The following ARMC9 variants were observed in gnomAD, a reference collection of about 807,000 sequenced individuals.
ARMC9 encodes the protein lisH domain-containing protein ARMC9.
In ARMC9, 94 loss-of-function variants were observed where a neutral mutation model predicts 107.0. The observed-to-expected ratio is 0.88, with a 90% confidence interval of 0.74 to 1.04. The LOEUF is 1.04. Among genes scored for constraint, ARMC9 ranks in the 50% least tolerant of loss-of-function variants. The pLI is 0.00. For missense variants in ARMC9, 942 were observed against 1,030.1 expected, an observed-to-expected ratio of 0.91 and a Z score of 1.17; for synonymous variants, 380 against 396.9, an observed-to-expected ratio of 0.96 and a Z score of 0.51.
chr2:231,366,698 G>C (rs570476329), intron 23 of ARMC9, among the ~76,000 whole-genome samples: 29 of 151,364 alleles, frequency 1.9e-4, no homozygotes, highest in Non-Finnish European at 3.7e-4. Flanking sequence ...AAAATTAGCC[G>C]GGCATGGTGG....
intron 11 of ARMC9, among the ~76,000 whole-genome samples, chr2:231,261,827 CTT>C (rs776868487): frequency 2.1e-5 from 3 of 144,964 alleles, no homozygotes; most frequent in African/African-American, 2.5e-5. Context: ...ATCACAGGTT[CTT>C]TTTTTTTTTT....
rs1190543868 is a variant in ARMC9, at chr2:231,226,774, A to G, written c.598A>G (p.Lys200Glu). The change falls in exon 7 of 25, where the codon AAG becomes GAG. Residue 200 changes from lysine (K) to glutamate (E), a missense_variant and splice_region_variant. Coordinates refer to ENST00000611582, the MANE Select transcript of ARMC9 (RefSeq NM_001352754.2). ...SNTPKLLTIY[K>E]ENGQSNKEIL... ...TTCCTGAACTTCTTTTTCATCCCAG[A>G]AGGAGAATGGACAAAGTAACAAAGG... 4 of 1,613,768 alleles carry G rather than the reference A, an allele frequency of 2.5e-6. No individual in the cohort carries two copies. In the Admixed American group the frequency reaches 5.0e-5, roughly 20 times the overall value.
At chr2:231,270,729 C>T (rs2039252109) in intron 12 of ARMC9, 4 of 622,770 alleles carry the variant, frequency 6.4e-6, no homozygotes, top group African/African-American at 1.8e-5. Flanking sequence ...GCTTCCCTCG[C>T]GCCAGTCACT....
chr2:231,228,584 C>A (rs1729077), intron 7 of ARMC9, among the ~76,000 whole-genome samples: 17,474 of 152,226 alleles, frequency 0.11, 1,161 homozygotes, highest in East Asian at 0.27. Context: ...CCTCTGAAGT[C>A]AGTCAGTCAT....
intron 1 of ARMC9, among the ~76,000 whole-genome samples, chr2:231,202,266 C>T (rs970413770): frequency 1.3e-5 from 2 of 151,254 alleles, no homozygotes; most frequent in Admixed American, 6.6e-5. Context: ...TCCCAAAGTG[C>T]TGGGATTACA....
intron 19 of ARMC9, among the ~76,000 whole-genome samples, chr2:231,302,463 G>A (rs1391005927): frequency 6.0e-5 from 1 of 16,564 alleles, no homozygotes; most frequent in Non-Finnish European, 1.7e-4. Flanking sequence ...TTTTTTTTTT[G>A]CCAATCTCTT....
intron 19 of ARMC9, among the ~76,000 whole-genome samples, chr2:231,315,157 T>G (rs2042591662): frequency 6.6e-6 from 1 of 150,618 alleles, no homozygotes; most frequent in Non-Finnish European, 1.5e-5. Context: ...GAGAATCACT[T>G]GAACCTGGGA....
At chr2:231,205,201 T>TAAACAAAAAAA (rs2031777417) in intron 1 of ARMC9, among the ~76,000 whole-genome samples, 1 of 129,468 alleles carries the variant, frequency 7.7e-6, no homozygotes. Flanking sequence ...TGTCTCTACT[T>TAAACAAAAAAA]AAAAAAAAAA....
In ARMC9 at chr2:231,235,291, G is replaced by GT; in HGVS notation, c.691dup (p.Tyr231LeufsTer3). ...GTAGGTCAGTGACATACCTCAAACGGTACAATAAGATCCAGGCCGACTACC... is the reference window on the plus strand; with the variant it reads ...GTAGGTCAGTGACATACCTCAAACGGTTACAATAAGATCCAGGCCGACTACC... On this transcript the variant is annotated frameshift_variant, in exon 8 of 25. Transcript: ENST00000611582. LOFTEE classifies it high-confidence loss of function. 6.2e-7 allele frequency: 1 copy of GT among 1,614,166 alleles called. No homozygotes were observed. The highest frequency in any genetic ancestry group is 1.1e-5 in the South Asian group (1 of 91,064).
At chr2:231,328,021 T>G (rs2043451145) in intron 19 of ARMC9, among the ~76,000 whole-genome samples, 1 of 152,140 alleles carries the variant, frequency 6.6e-6, no homozygotes, top group African/African-American at 2.4e-5. Context: ...CTGATTCAAG[T>G]GATTCGCTCG....
At position 231,214,893 on chromosome 2, in the gene ARMC9, G is replaced by A; in HGVS notation, c.240G>A (p.Glu80=). Residue 80 remains glutamate, a synonymous_variant, in exon 4 of 25, where the codon GAG becomes GAA. Coordinates refer to ENST00000611582, the MANE Select transcript of ARMC9 (RefSeq NM_001352754.2). The part of the protein sequence containing the change: ...DQKVFFDLWE[E]HISSSIRDGD... The stretch of plus-strand genomic sequence containing the variant: ...AGGTGTTCTTCGATCTGTGGGAGGA[G>A]CACATTTCAAGTTCCATCCGAGATG... 1 of 1,614,190 alleles carries A rather than the reference G, an allele frequency of 6.2e-7. No individual in the cohort carries two copies. Among genetic ancestry groups the A allele is most frequent in the Non-Finnish European group, 8.5e-7 (1 of 1,180,046 alleles).
chr2:231,296,259 T>C lies in ARMC9; in HGVS notation c.1773+6T>C, dbSNP rs2041358599. On this transcript the variant is annotated splice_donor_region_variant and intron_variant, in intron 19 of 24. Coordinates refer to ENST00000611582, the MANE Select transcript of ARMC9 (RefSeq NM_001352754.2). Reference sequence around the variant, plus strand: ...ATGAAGATGAAGATGATGAAGTAAGTTGGAGGTTCTTGACACCACATAGAA... The same window carrying C: ...ATGAAGATGAAGATGATGAAGTAAGCTGGAGGTTCTTGACACCACATAGAA... 6.2e-7 allele frequency: 1 copy of C among 1,611,410 alleles called. No individual in the cohort carries two copies. The highest frequency in any genetic ancestry group is 8.5e-7 in the Non-Finnish European group (1 of 1,178,212).
At chr2:231,230,152 A>G (rs1043074796) in intron 7 of ARMC9, among the ~76,000 whole-genome samples, 4 of 152,164 alleles carry the variant, frequency 2.6e-5, no homozygotes, top group Non-Finnish European at 5.9e-5. Context: ...GCTTGAGGCC[A>G]GGAGTTTGTG....
In ARMC9 at chr2:231,276,763, C is replaced by T. The variant is rs1217845207; in HGVS notation, c.1462C>T (p.Leu488Phe). The change falls in exon 15 of 25, where the codon CTC becomes TTC. Residue 488 changes from leucine (L) to phenylalanine (F), a missense_variant. Coordinates refer to ENST00000611582, the MANE Select transcript of ARMC9 (RefSeq NM_001352754.2). ...YSVALLMNLC[L>F]RSTGKNMCAK... ...GGTGGCTTTGCTCATGAACCTCTGC[C>T]TCCGCAGCACAGGTCTCAGCCCCGA... 1.2e-6 allele frequency: 2 copies of T among 1,614,128 alleles called. No individual in the cohort carries two copies. Among genetic ancestry groups the T allele is most frequent in the Admixed American group, 3.3e-5 (2 of 60,026 alleles).
chr2:231,274,402 C>T (rs1419164450), intron 14 of ARMC9, among the ~76,000 whole-genome samples: 1 of 152,170 alleles, frequency 6.6e-6, no homozygotes, highest in Non-Finnish European at 1.5e-5. Flanking sequence ...AGGTGTGAGC[C>T]ACCGCGCCCG....
chr2:231,344,795 A>T (rs1040237402), intron 20 of ARMC9, among the ~76,000 whole-genome samples, 180 bp from the exon 21 acceptor site: 7 of 152,242 alleles, frequency 4.6e-5, no homozygotes, highest in Admixed American at 1.3e-4. Flanking sequence ...CCGTTAGCAA[A>T]AAAAGGGTTT....
Position 231,276,643 on chromosome 2 carries a change from C to T in ARMC9, c.1342C>T (p.Leu448=). ...ALQKFSLRRP[L]QTAMIQDGLI... Reference sequence around the variant, plus strand: ...TAGGCTCTTTCTTCCCAGGCGCCCGCTGCAGACAGCGATGATTCAAGACGG... The same window carrying T: ...TAGGCTCTTTCTTCCCAGGCGCCCGTTGCAGACAGCGATGATTCAAGACGG... Residue 448 remains leucine (L), a synonymous_variant, in exon 15 of 25, where the codon CTG becomes TTG. Transcript: ENST00000611582. 2 of 1,614,164 alleles carry T rather than the reference C, an allele frequency of 1.2e-6. No homozygotes were observed. Among genetic ancestry groups the T allele is most frequent in the Non-Finnish European group, 1.7e-6 (2 of 1,180,032 alleles).
intron 23 of ARMC9, among the ~76,000 whole-genome samples, chr2:231,367,394 C>T (rs2045861252): frequency 6.6e-6 from 1 of 152,134 alleles, no homozygotes. Context: ...CATATGGAAG[C>T]CAGCTATCCC....
intron 2 of ARMC9, 71 bp downstream of exon 2, chr2:231,206,360 A>G (rs1405698165): frequency 1.6e-6 from 2 of 1,276,890 alleles, no homozygotes; most frequent in African/African-American, 3.0e-5. Context: ...AAATGCAACA[A>G]ACTATTTAGT....
Sources: allele counts gnomAD v4.1 joint callset (sites outside exome capture counted in the v4.1 genomes callset), GRCh38; gene constraint gnomAD v4.1.1; transcripts MANE v1.5; gene names NCBI Gene and HGNC (gene_info 2026-07-23, HGNC 2026-07-21).